RABGAP1L: variants seen among roughly 807,000 people sequenced by gnomAD.
The protein encoded by RABGAP1L is RAB GTPase activating protein 1 like.
A neutral mutation model predicts 137.7 loss-of-function variants in RABGAP1L; 63 were observed. The ratio of observed to expected loss-of-function variants is 0.46; its 90% CI spans 0.37 to 0.56. The LOEUF is 0.56. RABGAP1L is among the 20% of genes least tolerant of loss of function. The pLI is 0.00. For missense variants in RABGAP1L, 1,095 were observed against 1,244.0 expected (o/e 0.88, Z 1.80); for synonymous variants, 431 against 433.7 (o/e 0.99, Z 0.08).
At chr1:174,256,864 G>A (rs1482842023) in intron 7 of RABGAP1L, among the ~76,000 whole-genome samples, 2 of 152,106 alleles carry the variant, frequency 1.3e-5, no homozygotes, top group African/African-American at 2.4e-5. Flanking sequence ...TAACATTCTT[G>A]TATGATTCTT....
chr1:174,400,318 G>A (rs1257636967), intron 13 of RABGAP1L, among the ~76,000 whole-genome samples: 1 of 152,070 alleles, frequency 6.6e-6, no homozygotes, highest in African/African-American at 2.4e-5. Context: ...TGCTTCAGAG[G>A]AGGGGGCTAT....
intron 13 of RABGAP1L, among the ~76,000 whole-genome samples, chr1:174,523,945 C>T (rs1233213961): frequency 6.6e-6 from 1 of 152,162 alleles, no homozygotes; most frequent in Non-Finnish European, 1.5e-5. Flanking sequence ...GTTACAATCA[C>T]ATTGCTGCAA....
At chr1:174,906,087 C>T (rs1214743196) in intron 19 of RABGAP1L, among the ~76,000 whole-genome samples, 1 of 151,980 alleles carries the variant, frequency 6.6e-6, no homozygotes. Context: ...GCCCCATCTC[C>T]ACTCACTGCA....
intron 18 of RABGAP1L, among the ~76,000 whole-genome samples, chr1:174,807,359 T>A (rs563694675): frequency 1.5e-4 from 23 of 151,480 alleles, no homozygotes; most frequent in Non-Finnish European, 1.5e-4. Flanking sequence ...AGTATTCTTT[T>A]AAAAAAAAAG....
chr1:174,807,456 C>G (rs1033843046), intron 18 of RABGAP1L, among the ~76,000 whole-genome samples: 2 of 152,208 alleles, frequency 1.3e-5, no homozygotes, highest in Non-Finnish European at 2.9e-5. Context: ...CAAGAAGTGT[C>G]TATCCCTTGA....
intron 1 of RABGAP1L, among the ~76,000 whole-genome samples, chr1:174,191,996 A>G (rs1327963475): frequency 6.6e-6 from 1 of 152,218 alleles, no homozygotes; most frequent in Non-Finnish European, 1.5e-5. Context: ...GCAGCAGTAA[A>G]AGCAGGTGAT....
At chr1:174,937,637 T>TATATATATATATATATATATATA (rs1302676014) in intron 19 of RABGAP1L, among the ~76,000 whole-genome samples, 5 of 138,518 alleles carry the variant, frequency 3.6e-5, no homozygotes, top group South Asian at 2.3e-4. Context: ...TATATATATC[T>TATATATATATATATATATATATA]TGCAGTTAGA....
At chr1:174,171,798 C>T (rs1480420532) in intron 1 of RABGAP1L, among the ~76,000 whole-genome samples, 17 of 151,402 alleles carry the variant, frequency 1.1e-4, no homozygotes, top group Non-Finnish European at 4.4e-5. Flanking sequence ...GTCAGGAGTT[C>T]GAGACCAGCC....
At chr1:174,382,942 T>C (rs1395510064) in intron 12 of RABGAP1L, among the ~76,000 whole-genome samples, 1 of 150,872 alleles carries the variant, frequency 6.6e-6, no homozygotes, top group African/African-American at 2.4e-5. Context: ...TGGTCTTTGA[T>C]GATGGTGATG....
At chr1:174,399,450 G>C (rs1558200856) in intron 13 of RABGAP1L, among the ~76,000 whole-genome samples, 1 of 152,128 alleles carries the variant, frequency 6.6e-6, no homozygotes, top group Non-Finnish European at 1.5e-5. Context: ...GTCTTATTAA[G>C]GGAATGGCAA....
At chr1:174,752,702 C>G (rs1252274662) in intron 18 of RABGAP1L, among the ~76,000 whole-genome samples, 1 of 151,916 alleles carries the variant, frequency 6.6e-6, no homozygotes, top group Non-Finnish European at 1.5e-5. Flanking sequence ...ACACTTTTTA[C>G]TATAACATCT....
At chr1:174,652,524 T>G (rs1675609956) in intron 14 of RABGAP1L, among the ~76,000 whole-genome samples, 1 of 152,186 alleles carries the variant, frequency 6.6e-6, no homozygotes, top group African/African-American at 2.4e-5. Flanking sequence ...TGCTGTTCCT[T>G]TCTGTTTGTT....
At chr1:174,361,533 A>G (rs1461010119) in intron 11 of RABGAP1L, among the ~76,000 whole-genome samples, 1 of 152,016 alleles carries the variant, frequency 6.6e-6, no homozygotes, top group Non-Finnish European at 1.5e-5. Context: ...ATTTAATTTT[A>G]TTTGTAGCTA....
intron 24 of RABGAP1L, among the ~76,000 whole-genome samples, chr1:174,987,172 AT>A (rs113584242): frequency 5.6e-4 from 82 of 147,030 alleles, no homozygotes; most frequent in African/African-American, 5.4e-4. Flanking sequence ...AGAGGAAGAA[AT>A]TTTTTTTTTT....
intron 1 of RABGAP1L, among the ~76,000 whole-genome samples, chr1:174,201,668 T>C (rs1668113938): frequency 6.6e-6 from 1 of 152,004 alleles, no homozygotes; most frequent in Admixed American, 6.6e-5. Context: ...TTTTTAATTA[T>C]ACTTTAAGTT....
chr1:174,270,605 T>A lies in RABGAP1L; in HGVS notation c.987-1809T>A, dbSNP rs568107274. 2.6e-5 allele frequency among the ~76,000 whole-genome samples: 4 copies of A among 151,852 alleles called. No individual in the cohort carries two copies. In the East Asian group the frequency reaches 7.7e-4, roughly 29 times the overall value. ...ATCCTTATGCCTATAAAAATAAAAA[T>A]TAAAAAAAATCTTTTTCTGCCTTAA... is the stretch of plus-strand genomic sequence containing the variant. On this transcript the variant is annotated intron_variant, in intron 7 of 25. Coordinates refer to ENST00000681986, the MANE Select transcript of RABGAP1L (RefSeq NM_001366446.1).
chr1:174,657,803 A>G (rs947956985), intron 14 of RABGAP1L, among the ~76,000 whole-genome samples: 1 of 152,116 alleles, frequency 6.6e-6, no homozygotes, highest in Non-Finnish European at 1.5e-5. Context: ...TAGTTTTTTT[A>G]GGAAACTCCA....
intron 14 of RABGAP1L, among the ~76,000 whole-genome samples, chr1:174,662,622 G>A (rs1197919267): frequency 6.6e-6 from 1 of 152,090 alleles, no homozygotes; most frequent in Non-Finnish European, 1.5e-5. Context: ...TCGAACTCCT[G>A]ACCTCAAATG....
rs1674742023 is a variant in RABGAP1L at position 174,273,685 on chromosome 1, A to G, written c.1053+1205A>G. On this transcript the variant is annotated intron_variant, in intron 8 of 25. Transcript: ENST00000681986. ...AGGTAATGAAAACTTTTAAGATCCTAGGTCCTAATTAATCATGGTCTTTCA... is the reference window on the plus strand; with the variant it reads ...AGGTAATGAAAACTTTTAAGATCCTGGGTCCTAATTAATCATGGTCTTTCA... 2.6e-5 allele frequency among the ~76,000 whole-genome samples: 4 copies of G among 152,130 alleles called. No individual in the cohort carries two copies. In the South Asian group the frequency reaches 6.2e-4, roughly 24 times the overall value.
Sources: gnomAD v4.1 joint callset for allele counts (sites outside exome capture counted in the v4.1 genomes callset) on GRCh38, gnomAD v4.1.1 for gene constraint, MANE v1.5 for transcripts, NCBI Gene and HGNC (gene_info 2026-07-23, HGNC 2026-07-21) for gene names.